LDLRAP1: variants seen among roughly 807,000 people sequenced by gnomAD.
LDLRAP1 encodes the protein low density lipoprotein receptor adaptor protein 1, also known as low density lipoprotein receptor adapter protein 1.
A neutral mutation model predicts 37.8 loss-of-function variants in LDLRAP1; 30 were observed. The ratio of observed to expected loss-of-function variants is 0.79; its 90% confidence interval spans 0.59 to 1.08. The LOEUF is 1.08. Ranked by LOEUF, LDLRAP1 falls within the 50% of genes least tolerant of loss-of-function variation. The probability of loss-of-function intolerance (pLI) is 0.00; values close to 1 mark genes in which losing one functional copy is unlikely to be tolerated. For synonymous variants in LDLRAP1, 156 were observed against 169.8 expected, an observed-to-expected ratio of 0.92 and a Z score of 0.63; for missense variants, 375 against 401.6, an observed-to-expected ratio of 0.93 and a Z score of 0.57.
the LDLRAP1 span, among the ~76,000 whole-genome samples, chr1:25,580,754 C>T: frequency 6.6e-6 from 1 of 152,190 alleles, no homozygotes; most frequent in African/African-American, 2.4e-5. Flanking sequence ...TCAAGCAGTC[C>T]TCCTGCCTTG....
chr1:25,585,087 G>C, the LDLRAP1 span, among the ~76,000 whole-genome samples: 4 of 152,178 alleles, frequency 2.6e-5, no homozygotes, highest in Non-Finnish European at 5.9e-5. Flanking sequence ...GTGGGTGTGG[G>C]GTGTTGAGAC....
At chr1:25,589,685 G>A in the LDLRAP1 span, among the ~76,000 whole-genome samples, 1 of 152,192 alleles carries the variant, frequency 6.6e-6, no homozygotes, top group Admixed American at 6.5e-5. Flanking sequence ...TGAAGCTCTT[G>A]GTTTTTTGGG....
the LDLRAP1 span, among the ~76,000 whole-genome samples, chr1:25,577,739 G>A: frequency 2.6e-4 from 40 of 152,332 alleles, no homozygotes; most frequent in African/African-American, 9.4e-4. Context: ...TCAGGTCCCG[G>A]CATCACCGTG....
At chr1:25,559,097 G>A (rs928149863) in intron 4 of LDLRAP1, among the ~76,000 whole-genome samples, 1 of 152,146 alleles carries the variant, frequency 6.6e-6, no homozygotes, top group Admixed American at 6.5e-5. Flanking sequence ...CACTTGCCTC[G>A]TGAGGTCCCA....
chr1:25,557,555 T>A, intron 4 of LDLRAP1: 1 of 488,732 alleles, frequency 2.0e-6, no homozygotes. Context: ...TGGGTTGAGA[T>A]TGTTTTGGAT....
chr1:25,581,795 G>T, the LDLRAP1 span: 1 of 152,480 alleles, frequency 6.6e-6, no homozygotes, highest in Admixed American at 6.5e-5. Context: ...GGGGTAAAGA[G>T]ACAAAGTGTG....
At chr1:25,572,845 G>A (rs749296154), downstream of LDLRAP1, among the ~76,000 whole-genome samples, 7 of 152,114 alleles carry the variant, frequency 4.6e-5, no homozygotes, top group Non-Finnish European at 5.9e-5. Context: ...CTCATCATCC[G>A]TCTCTCCACT....
At chr1:25,564,313 T>G in intron 7 of LDLRAP1, 1 of 186,700 alleles carries the variant, frequency 5.4e-6, no homozygotes, top group Non-Finnish European at 1.1e-5. Flanking sequence ...CATTTGGAAA[T>G]AATTTCAGAC....
At chr1:25,550,788 G>T (rs759051233) in intron 1 of LDLRAP1, among the ~76,000 whole-genome samples, 3 of 152,176 alleles carry the variant, frequency 2.0e-5, no homozygotes, top group Non-Finnish European at 2.9e-5. Flanking sequence ...CTGTAAGGAC[G>T]TGGTTAGAGG....
intron 4 of LDLRAP1, among the ~76,000 whole-genome samples, chr1:25,558,340 A>G (rs2044260018): frequency 6.6e-6 from 1 of 152,162 alleles, no homozygotes. Context: ...GGTACATCAC[A>G]GTCTTTGTGG....
At position 25,556,246 on chromosome 1, in the gene LDLRAP1, C is replaced by A. The variant is rs550441579; in HGVS notation, c.345-907C>A. Among the ~76,000 whole-genome samples, 59 of 152,238 alleles carry A rather than the reference C, an allele frequency of 3.9e-4. 1 individual carries two copies. The South Asian group carries it at 8.1e-3, about 21-fold the overall frequency. On this transcript the variant is annotated intron_variant, in intron 3 of 8. Transcript: ENST00000374338. ...TCCTGCCCCACCTCTGGGCTACCGG[C>A]CCCTCCCCGATTGAGACTCTGAGGC... is the stretch of plus-strand genomic sequence containing the variant.
rs555410018 is a variant in LDLRAP1 at position 25,554,481 on chromosome 1, A to G, written c.232-379A>G. Among the ~76,000 whole-genome samples, 2 of 152,338 alleles carry G rather than the reference A, an allele frequency of 1.3e-5. No homozygotes were observed. The highest frequency in any genetic ancestry group is 4.8e-5 in the African/African-American group (2 of 41,598). On this transcript the variant is annotated intron_variant, in intron 2 of 8. Coordinates refer to ENST00000374338, the MANE Select transcript of LDLRAP1 (RefSeq NM_015627.3). This position sits in a 1 kb window ranked among gnomAD's most constrained non-coding sequence, Gnocchi z 5.4. ...TAAATCCACTTCCCTTGGTGGCCTC[A>G]GACCCCTCAGCTCAATGGATGGAGC...
chr1:25,552,381 C>T (rs2044091910), intron 1 of LDLRAP1, among the ~76,000 whole-genome samples: 1 of 152,202 alleles, frequency 6.6e-6, no homozygotes, highest in South Asian at 2.1e-4. Flanking sequence ...AGGGAGGGCC[C>T]AGGACATCTC....
In LDLRAP1 at chr1:25,563,840, G is replaced by C. The variant is rs764927902; in HGVS notation, c.747+49G>C. 6 of 1,610,680 alleles carry C rather than the reference G, an allele frequency of 3.7e-6. No individual in the cohort carries two copies. The Admixed American group carries it at 8.3e-5, about 22-fold the overall frequency. On this transcript the variant is annotated intron_variant, in intron 7 of 8. Transcript: ENST00000374338. Reference sequence around the variant, plus strand: ...ATCGGTGATCCTCAGCCTGACCTCTGGGTGAGCCTGGGGCTGCTCCAGGGA... The same window carrying C: ...ATCGGTGATCCTCAGCCTGACCTCTCGGTGAGCCTGGGGCTGCTCCAGGGA...
chr1:25,573,007 G>A (rs909807117), downstream of LDLRAP1, among the ~76,000 whole-genome samples: 2 of 151,370 alleles, frequency 1.3e-5, no homozygotes, highest in Admixed American at 6.6e-5. Flanking sequence ...ATTTTTAGCC[G>A]CAGAAACAAC....
the LDLRAP1 span, among the ~76,000 whole-genome samples, chr1:25,587,448 TC>T: frequency 3.9e-5 from 6 of 152,166 alleles, no homozygotes; most frequent in African/African-American, 1.4e-4. Context: ...AGCCACTGCA[TC>T]CGGCCATGAC....
chr1:25,580,928 A>T, the LDLRAP1 span, among the ~76,000 whole-genome samples: 22 of 152,190 alleles, frequency 1.4e-4, no homozygotes, highest in African/African-American at 4.8e-4. Flanking sequence ...AGAACCCGGC[A>T]GGACACCATG....
At chr1:25,581,973 T>C in the LDLRAP1 span, among the ~76,000 whole-genome samples, 128 of 152,266 alleles carry the variant, frequency 8.4e-4, 1 homozygote, top group African/African-American at 2.6e-3. Context: ...CCCGCTGAGA[T>C]GGACAGATGT....
intron 4 of LDLRAP1, among the ~76,000 whole-genome samples, chr1:25,557,912 G>T (rs907781942): frequency 2.6e-5 from 4 of 151,936 alleles, no homozygotes; most frequent in Non-Finnish European, 4.4e-5. Flanking sequence ...GTTTTAATGA[G>T]GAAACAGACT....
Sources: allele counts gnomAD v4.1 joint callset (sites outside exome capture counted in the v4.1 genomes callset), GRCh38; gene constraint gnomAD v4.1.1; non-coding constraint Gnocchi (gnomAD v3.1); transcripts MANE v1.5; gene names NCBI Gene and HGNC (gene_info 2026-07-23, HGNC 2026-07-21).